The following GPC6 variants were observed in gnomAD, a reference collection of about 807,000 sequenced individuals.
GPC6 encodes the protein glypican-6.
A neutral mutation model predicts 55.2 loss-of-function variants in GPC6; 14 were observed. The ratio of observed to expected loss-of-function variants is 0.25; its 90% CI spans 0.17 to 0.40. The LOEUF (loss-of-function observed/expected upper bound fraction) is 0.40, where lower values mean the gene tolerates loss of function less well. Ranked by LOEUF, GPC6 falls within the 10% of genes least tolerant of loss-of-function variation. The probability of loss-of-function intolerance (pLI) is 1.00; values close to 1 mark genes in which losing one functional copy is unlikely to be tolerated. For missense variants in GPC6, 641 were observed against 708.5 expected, an observed-to-expected ratio of 0.90 and a Z score of 1.08; for synonymous variants, 278 against 259.6, an observed-to-expected ratio of 1.07 and a Z score of -0.68.
At chr13:94,260,807 G>A (rs766374654) in intron 4 of GPC6, among the ~76,000 whole-genome samples, 26 of 152,080 alleles carry the variant, frequency 1.7e-4, no homozygotes, top group Admixed American at 7.9e-4. Context: ...CCTATCAGTC[G>A]GGAGCATGGT....
chr13:94,179,570 A>C (rs751122110), intron 4 of GPC6, among the ~76,000 whole-genome samples: 1 of 152,164 alleles, frequency 6.6e-6, no homozygotes, highest in Non-Finnish European at 1.5e-5. Context: ...ATAGATCTCC[A>C]AAAGTTAAAA....
At chr13:94,230,162 C>T (rs1439664802) in intron 4 of GPC6, among the ~76,000 whole-genome samples, 2 of 152,050 alleles carry the variant, frequency 1.3e-5, no homozygotes, top group Non-Finnish European at 2.9e-5. Context: ...AAGATTTAAA[C>T]AAGTTACCAT....
chr13:93,264,986 G>A (rs751559208), intron 1 of GPC6, among the ~76,000 whole-genome samples: 7 of 152,072 alleles, frequency 4.6e-5, no homozygotes, highest in Admixed American at 6.6e-5. Context: ...CTTCATAAAG[G>A]ATGATAAGAA....
At chr13:94,303,802 G>A (rs1310356916) in intron 5 of GPC6, among the ~76,000 whole-genome samples, 3 of 151,178 alleles carry the variant, frequency 2.0e-5, no homozygotes, top group African/African-American at 4.9e-5. Context: ...CAAACGTGAG[G>A]TTTTTCCATT....
chr13:93,498,464 A>G (rs921492637), intron 1 of GPC6, among the ~76,000 whole-genome samples: 3 of 152,190 alleles, frequency 2.0e-5, no homozygotes, highest in Non-Finnish European at 4.4e-5. Context: ...CCAAATCTCA[A>G]CTTGAATTGT....
intron 1 of GPC6, among the ~76,000 whole-genome samples, chr13:93,443,982 A>T (rs1315935169): frequency 6.6e-6 from 1 of 152,116 alleles, no homozygotes; most frequent in Non-Finnish European, 1.5e-5. Flanking sequence ...CTTGGGAGAG[A>T]TTATGGGATT....
intron 2 of GPC6, among the ~76,000 whole-genome samples, chr13:93,615,532 G>A (rs935034846): frequency 1.3e-5 from 2 of 152,004 alleles, no homozygotes; most frequent in African/African-American, 2.4e-5. Context: ...GTTGTTAATG[G>A]GCTATTTGGG....
At chr13:93,641,730 AC>A (rs1313599128) in intron 2 of GPC6, among the ~76,000 whole-genome samples, 2 of 151,950 alleles carry the variant, frequency 1.3e-5, no homozygotes, top group African/African-American at 4.8e-5. Context: ...TCCACCTTGG[AC>A]CCCAGCATAT....
intron 4 of GPC6, among the ~76,000 whole-genome samples, chr13:94,203,992 T>C (rs910639884): frequency 1.3e-5 from 2 of 152,174 alleles, no homozygotes; most frequent in African/African-American, 4.8e-5. Flanking sequence ...GCAAAACTAC[T>C]ATATGTTTAC....
At chr13:93,894,955 T>G (rs1422665156) in intron 3 of GPC6, among the ~76,000 whole-genome samples, 1 of 151,776 alleles carries the variant, frequency 6.6e-6, no homozygotes, top group Non-Finnish European at 1.5e-5. Flanking sequence ...TTAGTAACAT[T>G]TTAAAGTTAC....
intron 1 of GPC6, among the ~76,000 whole-genome samples, chr13:93,515,235 C>G (rs1594228612): frequency 6.6e-6 from 1 of 152,100 alleles, no homozygotes; most frequent in Non-Finnish European, 1.5e-5. Context: ...CTGCTGGCAC[C>G]TGGGTCTTGG....
intron 4 of GPC6, among the ~76,000 whole-genome samples, chr13:94,272,552 T>C (rs1272225496): frequency 7.1e-6 from 1 of 141,740 alleles, no homozygotes; most frequent in Non-Finnish European, 1.5e-5. Flanking sequence ...CACTGCAAGC[T>C]CCGCCTCCCA....
chr13:94,213,404 CA>C (rs1165055796), intron 4 of GPC6, among the ~76,000 whole-genome samples: 10 of 152,204 alleles, frequency 6.6e-5, no homozygotes, highest in African/African-American at 2.4e-4. Flanking sequence ...ACGCTTCTGT[CA>C]GTTAGCTTTT....
intron 2 of GPC6, among the ~76,000 whole-genome samples, chr13:93,823,288 T>C (rs1330342088): frequency 6.6e-6 from 1 of 152,202 alleles, no homozygotes; most frequent in Non-Finnish European, 1.5e-5. Context: ...ATTCATATCA[T>C]GGTCTGAAAA....
rs888213272 is a variant in GPC6 at position 94,017,270 on chromosome 13, G to T, written c.712-10459G>T. ...CAGAAGGTTTTTTTATGGATTCTTT[G>T]GGATTTCCTATATACACTGTATTAG... On this transcript the variant is annotated intron_variant, in intron 3 of 8. Transcript: ENST00000377047. Among the ~76,000 whole-genome samples the T allele has an allele frequency of 2.6e-5, 4 of 152,050 alleles. No individual in the cohort carries two copies. In the East Asian group the frequency reaches 7.7e-4, roughly 29 times the overall value.
At chr13:94,293,675 A>C (rs1875141406) in intron 5 of GPC6, among the ~76,000 whole-genome samples, 1 of 152,192 alleles carries the variant, frequency 6.6e-6, no homozygotes, top group South Asian at 2.1e-4. Flanking sequence ...ACTCTTGTAA[A>C]GAACATTCAT....
intron 6 of GPC6, among the ~76,000 whole-genome samples, chr13:94,377,031 C>A (rs1879898238): frequency 6.6e-6 from 1 of 151,744 alleles, no homozygotes; most frequent in Non-Finnish European, 1.5e-5. Context: ...CTTCCTTACA[C>A]ATTATACAAA....
intron 1 of GPC6, among the ~76,000 whole-genome samples, chr13:93,450,123 A>G (rs1283863371): frequency 6.6e-6 from 1 of 151,984 alleles, no homozygotes; most frequent in Non-Finnish European, 1.5e-5. Flanking sequence ...AGTGTTCATT[A>G]TTTGTTTTAT....
intron 6 of GPC6, among the ~76,000 whole-genome samples, chr13:94,341,625 A>G (rs1474757563): frequency 6.6e-6 from 1 of 152,078 alleles, no homozygotes; most frequent in Non-Finnish European, 1.5e-5. Flanking sequence ...GCTAAAGAAT[A>G]TATCATCAAG....
Sources: allele counts gnomAD v4.1 joint callset (sites outside exome capture counted in the v4.1 genomes callset), GRCh38; gene constraint gnomAD v4.1.1; transcripts MANE v1.5; gene names NCBI Gene and HGNC (gene_info 2026-07-23, HGNC 2026-07-21).